The following ZBED6 variants were observed in gnomAD, a reference collection of about 807,000 sequenced individuals.
The protein encoded by ZBED6 is zinc finger BED-type containing 6, also known as zinc finger BED domain-containing protein 6.
ZBED6 carries 40 observed loss-of-function variants against 58.4 expected under a neutral mutation model. That is an observed-to-expected ratio of 0.68 (90% CI 0.53 to 0.89). The LOEUF (loss-of-function observed/expected upper bound fraction) is 0.89, where lower values mean the gene tolerates loss of function less well. Among genes scored for constraint, ZBED6 ranks in the 40% least tolerant of loss-of-function variants. The pLI, the probability that ZBED6 is intolerant of heterozygous loss-of-function variation, is 0.00. For synonymous variants in ZBED6, 439 were observed against 350.6 expected (o/e 1.25, Z -2.82); for missense variants, 1,057 against 1,003.9 (o/e 1.05, Z -0.71).
intron 3 of ZBED6, among the ~76,000 whole-genome samples, chr1:203,823,035 T>G (rs1223241961): frequency 1.3e-5 from 2 of 152,074 alleles, no homozygotes; most frequent in African/African-American, 4.8e-5. Context: ...TCAAATAAAT[T>G]GATAAAGGAG....
At chr1:203,813,954 A>G (rs1490492290) in intron 1 of ZBED6, among the ~76,000 whole-genome samples, 2 of 130,902 alleles carry the variant, frequency 1.5e-5, no homozygotes, top group South Asian at 2.9e-4. Context: ...CCTTTTCTCT[A>G]CAGAGCATAC....
chr1:203,839,205 TTTTTG>T lies in ZBED6; in HGVS notation c.*3673-1087_*3673-1083del, dbSNP rs759340523. Among the ~76,000 whole-genome samples, 6 of 152,222 alleles carry T rather than the reference TTTTTG, an allele frequency of 3.9e-5. No homozygotes were observed. The East Asian group carries it at 9.6e-4, about 24-fold the overall frequency. On this transcript the variant is annotated intron_variant, in intron 10 of 16. Transcript: ENST00000550078. ...AATCAAGAGATAGCTGGGAGTTAGA[TTTTTG>T]TTTTGTTTTGTTTGTTTAAAGACAA...
At chr1:203,800,559 T>C (rs1425886255) in exon 1 of ZBED6, 3 of 1,140,624 alleles carry the variant, frequency 2.6e-6, no homozygotes, top group Non-Finnish European at 3.5e-6. Context: ...TATAAACACA[T>C]CTGGGGAAAC....
chr1:203,828,085 A>G (rs1681146673), intron 3 of ZBED6, among the ~76,000 whole-genome samples: 1 of 152,312 alleles, frequency 6.6e-6, no homozygotes, highest in South Asian at 2.1e-4. Context: ...GTAAAAAGGG[A>G]AAGAATAACA....
intron 15 of ZBED6, 94 bp from the exon 16 acceptor site, chr1:203,850,963 T>C: frequency 7.0e-7 from 1 of 1,425,518 alleles, no homozygotes; most frequent in South Asian, 1.2e-5. Context: ...TAAAGAATCA[T>C]AGCCACAATT....
chr1:203,837,304 A>G (rs1027877784), intron 9 of ZBED6, among the ~76,000 whole-genome samples: 4 of 150,000 alleles, frequency 2.7e-5, no homozygotes, highest in African/African-American at 9.8e-5. Flanking sequence ...AAAAAAAAAA[A>G]GGGTTCTTTT....
chr1:203,796,565 A>G (rs1012589912), exon 1 of ZBED6: 4 of 398,376 alleles, frequency 1.0e-5, no homozygotes, highest in African/African-American at 4.1e-5. Flanking sequence ...ACCTTGAGAA[A>G]GAGGCTGTGG....
intron 9 of ZBED6, 99 bp from the exon 10 acceptor site, chr1:203,837,867 A>G (rs986265083): frequency 1.8e-6 from 2 of 1,098,148 alleles, no homozygotes; most frequent in African/African-American, 1.6e-5. Context: ...TATGCAGAAC[A>G]CTTAACAGAA....
chr1:203,803,340 C>T (rs910341787), intron 1 of ZBED6, among the ~76,000 whole-genome samples: 5 of 152,120 alleles, frequency 3.3e-5, no homozygotes, highest in Non-Finnish European at 7.4e-5. Context: ...TACAGATGTG[C>T]ACCACTACAC....
chr1:203,798,939 G>A, exon 1 of ZBED6: 2 of 1,536,088 alleles, frequency 1.3e-6, no homozygotes, highest in Non-Finnish European at 1.7e-6. Flanking sequence ...CTTAACTTTA[G>A]AGAATGTTCA....
intron 3 of ZBED6, among the ~76,000 whole-genome samples, chr1:203,823,262 G>A (rs191612278): frequency 1.4e-4 from 22 of 152,302 alleles, no homozygotes; most frequent in Non-Finnish European, 2.4e-4. Flanking sequence ...AGACACTGGA[G>A]GAATCTGGAA....
intron 3 of ZBED6, among the ~76,000 whole-genome samples, chr1:203,825,311 T>C (rs967811793): frequency 1.1e-4 from 17 of 152,142 alleles, no homozygotes; most frequent in African/African-American, 2.9e-4. Flanking sequence ...CAAGTGACTT[T>C]ATAGAACATA....
exon 17 of ZBED6, chr1:203,852,154 C>T (rs1244329005): frequency 6.2e-7 from 1 of 1,613,566 alleles, no homozygotes; most frequent in Admixed American, 1.7e-5. Context: ...TGTGCTGCCT[C>T]CAACCCAGTC....
At chr1:203,809,110 A>G (rs1451473174) in intron 1 of ZBED6, among the ~76,000 whole-genome samples, 3 of 150,590 alleles carry the variant, frequency 2.0e-5, no homozygotes, top group East Asian at 3.9e-4. Context: ...GATTACAGGC[A>G]TGAGCCACCA....
chr1:203,841,872 C>T (rs1486426927), intron 11 of ZBED6, among the ~76,000 whole-genome samples: 1 of 147,104 alleles, frequency 6.8e-6, no homozygotes, highest in Non-Finnish European at 1.5e-5. Flanking sequence ...AGGGGCTCCT[C>T]ACTTCTCAGA....
intron 1 of ZBED6, chr1:203,805,945 A>G (rs1672177694): frequency 3.1e-6 from 2 of 638,872 alleles, no homozygotes; most frequent in Admixed American, 3.7e-5. Flanking sequence ...TCCCAGTTTC[A>G]TAGCATCAAC....
chr1:203,827,013 T>C (rs948821521), intron 3 of ZBED6, among the ~76,000 whole-genome samples: 6 of 152,158 alleles, frequency 3.9e-5, no homozygotes, highest in Non-Finnish European at 8.8e-5. Flanking sequence ...TACTCTACCA[T>C]GGAGAAGTTT....
At position 203,805,754 on chromosome 1, in the gene ZBED6, G is replaced by A; in HGVS notation, c.*2554+2738G>A. 3 of 676,322 alleles carry A rather than the reference G, an allele frequency of 4.4e-6. No homozygotes were observed. In the Admixed American group the frequency reaches 5.4e-5, roughly 12 times the overall value. The allele number at this position is 676,322 out of a possible 1,614,324, so 41.9% of individuals were successfully genotyped here. Reference sequence around the variant, plus strand: ...AAATAGAACTCTTGGTCAGCCACAAGCTCATCACCCAGTGTATCCAACTCT... The same window carrying A: ...AAATAGAACTCTTGGTCAGCCACAAACTCATCACCCAGTGTATCCAACTCT... On this transcript the variant is annotated intron_variant, in intron 1 of 16. Coordinates refer to ENST00000550078, the Ensembl canonical transcript of ZBED6.
At chr1:203,841,142 CTTTTT>C in intron 11 of ZBED6, among the ~76,000 whole-genome samples, 1 of 129,834 alleles carries the variant, frequency 7.7e-6, no homozygotes, top group South Asian at 2.4e-4. Context: ...ACATAAGAAT[CTTTTT>C]TTTTTTTTTA....
Sources: gnomAD v4.1 joint callset for allele counts (sites outside exome capture counted in the v4.1 genomes callset) on GRCh38, gnomAD v4.1.1 for gene constraint, MANE v1.5 for transcripts, NCBI Gene and HGNC (gene_info 2026-07-23, HGNC 2026-07-21) for gene names.